The following ATP9A variants were observed in gnomAD, a reference collection of about 807,000 sequenced individuals.
ATP9A encodes the protein ATPase phospholipid transporting 9A.
ATP9A carries 52 observed loss-of-function variants against 144.1 expected under a neutral mutation model. That is an observed-to-expected ratio of 0.36 (90% confidence interval 0.29 to 0.45). The LOEUF (loss-of-function observed/expected upper bound fraction) is 0.45. ATP9A is among the 20% of genes least tolerant of loss of function. The pLI, the probability that ATP9A is intolerant of heterozygous loss-of-function variation, is 1.00. For missense variants in ATP9A, 947 were observed against 1,392.7 expected, an observed-to-expected ratio of 0.68 and a Z score of 5.09; for synonymous variants, 582 against 557.4, an observed-to-expected ratio of 1.04 and a Z score of -0.62.
chr20:51,750,518 G>A (rs1289328304), intron 1 of ATP9A, among the ~76,000 whole-genome samples: 2 of 152,196 alleles, frequency 1.3e-5, no homozygotes, highest in African/African-American at 4.8e-5. Context: ...CCAGTGGAAG[G>A]CAATTTCCTA....
Position 51,660,683 on chromosome 20 carries a change from G to A in ATP9A, c.1294-3533C>T, listed in dbSNP as rs1014585273. Among the ~76,000 whole-genome samples, 15 of 152,280 alleles carry A rather than the reference G, an allele frequency of 9.9e-5. No individual in the cohort carries two copies. The East Asian group carries it at 2.5e-3, about 25-fold the overall frequency. ...TCATTTGCACACCAAATGGTCATGC[G>A]CATACATCCTTAAGGCACTGAAACT... On this transcript the variant is annotated intron_variant, in intron 13 of 27. Transcript: ENST00000338821.
At chr20:51,694,678 A>T (rs955465718) in intron 6 of ATP9A, among the ~76,000 whole-genome samples, 1 of 152,162 alleles carries the variant, frequency 6.6e-6, no homozygotes, top group African/African-American at 2.4e-5. Flanking sequence ...GGACTGATCG[A>T]TCCAGGCAAG....
chr20:51,722,080 A>G (rs148609092), intron 3 of ATP9A, among the ~76,000 whole-genome samples: 2 of 152,174 alleles, frequency 1.3e-5, no homozygotes, highest in South Asian at 2.1e-4. Flanking sequence ...ACAAAAACGT[A>G]AAGTGGGGGA....
chr20:51,747,696 C>T (rs997398999), intron 1 of ATP9A, among the ~76,000 whole-genome samples: 1 of 152,158 alleles, frequency 6.6e-6, no homozygotes, highest in Non-Finnish European at 1.5e-5. Flanking sequence ...CCTGTTTCTC[C>T]ATCTCTGAGT....
intron 9 of ATP9A, 68 bp downstream of exon 9, chr20:51,688,996 A>C (rs1248069454): frequency 6.6e-7 from 1 of 1,521,250 alleles, no homozygotes; most frequent in East Asian, 2.3e-5. Context: ...ACAGATGATT[A>C]TTCTAATTAC....
chr20:51,724,378 A>G (rs1272402672), intron 3 of ATP9A, among the ~76,000 whole-genome samples: 3 of 152,102 alleles, frequency 2.0e-5, no homozygotes, highest in Non-Finnish European at 4.4e-5. Flanking sequence ...CTCTAAGCAC[A>G]TGCCTGCTGC....
chr20:51,707,853 TTG>T lies in ATP9A; in HGVS notation c.436+5111_436+5112del, dbSNP rs146098575. On this transcript the variant is annotated intron_variant, in intron 4 of 27. Transcript: ENST00000338821. ...GTACATGATGAAGTCTCAACTGTGT[TTG>T]TGTGTGTGTGTGTGTAGCGTGTATT... 6.4e-3 allele frequency among the ~76,000 whole-genome samples: 960 copies of T among 150,420 alleles called. 15 individuals are homozygous for T. Among genetic ancestry groups the T allele is most frequent in the African/African-American group, 0.022 (896 of 40,954 alleles).
chr20:51,668,537 C>T (rs1008218587), intron 13 of ATP9A, among the ~76,000 whole-genome samples: 1 of 152,002 alleles, frequency 6.6e-6, no homozygotes, highest in African/African-American at 2.4e-5. Flanking sequence ...AGTCCAGCAC[C>T]GAGCCCCAGA....
chr20:51,751,901 A>T (rs1415634564), intron 1 of ATP9A, among the ~76,000 whole-genome samples: 1 of 151,952 alleles, frequency 6.6e-6, no homozygotes, highest in Non-Finnish European at 1.5e-5. Context: ...CCTCTTCTTT[A>T]TTCACTCGCT....
chr20:51,646,374 T>C (rs761627632), intron 14 of ATP9A, among the ~76,000 whole-genome samples: 4 of 152,184 alleles, frequency 2.6e-5, no homozygotes, highest in Non-Finnish European at 5.9e-5. Flanking sequence ...GAATGTGACA[T>C]CTGATAAAAG....
rs545711997 is a variant in ATP9A at position 51,714,376 on chromosome 20, T to TTTG, written c.328-1305_328-1303dup. 1.3e-3 allele frequency among the ~76,000 whole-genome samples: 198 copies of TTTG among 150,888 alleles called. 1 individual carries two copies. The highest frequency in any genetic ancestry group is 2.1e-3 in the Admixed American group (32 of 15,116). ...ATTTTTGTATTTTTGGTAGAGATGGTTTGTTGTTGTTGTTGTTGTCATTGT... is the reference window on the plus strand; with the variant it reads ...ATTTTTGTATTTTTGGTAGAGATGGTTTGTTGTTGTTGTTGTTGTTGTCATTGT... On this transcript the variant is annotated intron_variant, in intron 3 of 27. Coordinates refer to ENST00000338821, the MANE Select transcript of ATP9A (RefSeq NM_006045.3).
At chr20:51,632,949 C>A (rs2077275631) in intron 15 of ATP9A, among the ~76,000 whole-genome samples, 1 of 151,940 alleles carries the variant, frequency 6.6e-6, no homozygotes, top group African/African-American at 2.4e-5. Flanking sequence ...ATGGTGAAAC[C>A]CCGTCTCTAC....
At chr20:51,658,893 G>T (rs140209310) in intron 13 of ATP9A, among the ~76,000 whole-genome samples, 38,768 of 119,720 alleles carry the variant, frequency 0.32, 12,976 homozygotes, top group Non-Finnish European at 0.37. Flanking sequence ...ACTGGCGGGG[G>T]GGGGGGGGGG....
intron 15 of ATP9A, among the ~76,000 whole-genome samples, chr20:51,638,957 T>C (rs1414631055): frequency 1.3e-5 from 2 of 152,146 alleles, no homozygotes; most frequent in Non-Finnish European, 2.9e-5. Context: ...ATGAGGGAAG[T>C]GGTGGCTGAG....
rs774111834 is a variant in ATP9A at position 51,635,802 on chromosome 20, G to GAGGGAGGA, written c.1668+3540_1668+3541insTCCTCCCT. Among the ~76,000 whole-genome samples, 145 of 46,696 alleles carry GAGGGAGGA rather than the reference G, an allele frequency of 3.1e-3. 2 individuals carry two copies. Among genetic ancestry groups the GAGGGAGGA allele is most frequent in the African/African-American group, 7.6e-3 (107 of 14,040 alleles). The allele number at this position is 46,696 out of a possible 152,430, so 30.6% of individuals were successfully genotyped here. A position where few individuals can be genotyped will look rare whatever the true frequency, so the allele number is the denominator to read the frequency against. The stretch of plus-strand genomic sequence containing the variant: ...AAAGGAAGGAAACAGAGGAGGGGAG[G>GAGGGAGGA]AGGAAGGAAGGAAGGAAGGAAGGGA... On this transcript the variant is annotated intron_variant, in intron 15 of 27. Coordinates refer to ENST00000338821, the MANE Select transcript of ATP9A (RefSeq NM_006045.3).
intron 27 of ATP9A, among the ~76,000 whole-genome samples, chr20:51,602,020 C>T (rs1250530257): frequency 1.3e-5 from 2 of 152,156 alleles, no homozygotes; most frequent in Non-Finnish European, 2.9e-5. Context: ...CGGCCACTGG[C>T]GAGCAGAAAA....
intron 13 of ATP9A, among the ~76,000 whole-genome samples, chr20:51,662,544 CAAAA>C (rs57342641): frequency 1.5e-5 from 2 of 134,458 alleles, no homozygotes; most frequent in African/African-American, 5.6e-5. Flanking sequence ...GACTCTGTCT[CAAAA>C]AAAAAAAAAA....
chr20:51,645,918 C>T (rs570432312), intron 14 of ATP9A, among the ~76,000 whole-genome samples: 1 of 152,236 alleles, frequency 6.6e-6, no homozygotes, highest in African/African-American at 2.4e-5. Context: ...CATCTCACTG[C>T]TGTTAACAGC....
intron 14 of ATP9A, among the ~76,000 whole-genome samples, chr20:51,646,226 G>T (rs2077341851): frequency 6.6e-6 from 1 of 152,146 alleles, no homozygotes; most frequent in Non-Finnish European, 1.5e-5. Flanking sequence ...TAAACCACTT[G>T]TGACAAGTTT....
Sources: allele counts gnomAD v4.1 joint callset (sites outside exome capture counted in the v4.1 genomes callset), GRCh38; gene constraint gnomAD v4.1.1; transcripts MANE v1.5; gene names NCBI Gene and HGNC (gene_info 2026-07-23, HGNC 2026-07-21).